The following FAF1 variants were observed in gnomAD, a reference collection of about 807,000 sequenced individuals.
FAF1 encodes the protein FAS-associated factor 1.
A neutral mutation model predicts 92.5 loss-of-function variants in FAF1; 25 were observed. That is an observed-to-expected ratio of 0.27 (90% CI 0.20 to 0.38). The LOEUF is 0.38. FAF1 is among the 10% of genes least tolerant of loss of function. The pLI is 1.00. For synonymous variants in FAF1, 234 were observed against 273.2 expected (o/e 0.86, Z 1.42); for missense variants, 636 against 793.3 (o/e 0.80, Z 2.38).
intron 4 of FAF1, among the ~76,000 whole-genome samples, chr1:50,775,063 T>C (rs186845024): frequency 6.6e-6 from 1 of 152,128 alleles, no homozygotes; most frequent in Non-Finnish European, 1.5e-5. Context: ...TGATTGAGCA[T>C]CTCTTTGCAT....
intron 7 of FAF1, among the ~76,000 whole-genome samples, chr1:50,671,530 T>C (rs983624735): frequency 1.3e-5 from 2 of 152,226 alleles, no homozygotes; most frequent in Non-Finnish European, 2.9e-5. Flanking sequence ...AATTAGATGT[T>C]ACTGTAATAG....
rs193006455 is a variant in FAF1, at chr1:50,568,632, C to T, written c.1114-1401G>A. ...AAATCTTTAAAATAGCATCCTTAAC[C>T]CCATTAGCATATGAGGAAACTGAGG... is the stretch of plus-strand genomic sequence containing the variant. On this transcript the variant is annotated intron_variant, in intron 12 of 18. Transcript: ENST00000396153. Among the ~76,000 whole-genome samples the T allele has an allele frequency of 1.4e-4, 22 of 152,204 alleles. 1 individual carries two copies. The highest frequency in any genetic ancestry group is 4.6e-4 in the African/African-American group (19 of 41,546).
At chr1:50,841,481 T>C (rs1557553692) in intron 2 of FAF1, among the ~76,000 whole-genome samples, 1 of 152,014 alleles carries the variant, frequency 6.6e-6, no homozygotes, top group Non-Finnish European at 1.5e-5. Context: ...TTTTCAATAA[T>C]ATCCATGTAT....
At chr1:50,566,600 G>C (rs1290942178) in intron 13 of FAF1, among the ~76,000 whole-genome samples, 1 of 152,038 alleles carries the variant, frequency 6.6e-6, no homozygotes, top group Non-Finnish European at 1.5e-5. Flanking sequence ...GTGTGCAAAA[G>C]AATGTGTGCA....
intron 4 of FAF1, among the ~76,000 whole-genome samples, chr1:50,773,192 T>G (rs1194302466): frequency 6.6e-6 from 1 of 152,240 alleles, no homozygotes; most frequent in Non-Finnish European, 1.5e-5. Flanking sequence ...GAAAATTGTT[T>G]GAGCCTAGGA....
chr1:50,938,353 T>C (rs746824986), intron 1 of FAF1, among the ~76,000 whole-genome samples: 8 of 152,212 alleles, frequency 5.3e-5, no homozygotes, highest in Admixed American at 2.6e-4. Context: ...TATATGAAAC[T>C]GAGTCCTAGG....
chr1:50,682,027 G>A (rs1006235028), intron 7 of FAF1, among the ~76,000 whole-genome samples: 16 of 151,354 alleles, frequency 1.1e-4, no homozygotes, highest in African/African-American at 3.9e-4. Context: ...TAGAGTCAGG[G>A]TCTCACTATG....
chr1:50,926,317 A>G (rs1019792237), intron 1 of FAF1, among the ~76,000 whole-genome samples: 1 of 152,204 alleles, frequency 6.6e-6, no homozygotes, highest in African/African-American at 2.4e-5. Context: ...ATGTTAAACT[A>G]AATAAGGCAC....
At chr1:50,788,873 C>T (rs1294027256) in intron 3 of FAF1, among the ~76,000 whole-genome samples, 1 of 152,088 alleles carries the variant, frequency 6.6e-6, no homozygotes, top group Non-Finnish European at 1.5e-5. Context: ...TCTCTGTTAT[C>T]CAGGCTGGAC....
chr1:50,687,158 A>C (rs1656700036), intron 7 of FAF1, among the ~76,000 whole-genome samples: 1 of 152,062 alleles, frequency 6.6e-6, no homozygotes, highest in African/African-American at 2.4e-5. Context: ...ATTTTACCCA[A>C]GTGGCATAAT....
At chr1:50,656,848 G>A (rs915629308) in intron 7 of FAF1, among the ~76,000 whole-genome samples, 11 of 151,678 alleles carry the variant, frequency 7.3e-5, no homozygotes, top group Admixed American at 1.3e-4. Flanking sequence ...GTGCCACTGC[G>A]CTCCAGCCTG....
chr1:50,589,889 C>T (rs948727361), intron 9 of FAF1, among the ~76,000 whole-genome samples: 1 of 152,136 alleles, frequency 6.6e-6, no homozygotes, highest in Admixed American at 6.5e-5. Flanking sequence ...TTCATTCTTT[C>T]GCATGTGGAT....
At chr1:50,740,349 T>C (rs1419513773) in intron 5 of FAF1, among the ~76,000 whole-genome samples, 1 of 151,990 alleles carries the variant, frequency 6.6e-6, no homozygotes, top group Non-Finnish European at 1.5e-5. Flanking sequence ...TGAGAATATA[T>C]AGAGAAAGAA....
rs1389340060 is a variant in FAF1 at position 50,439,386 on chromosome 1, T to G, written c.*2054A>C. 6.6e-6 allele frequency: 1 copy of G among 152,178 alleles called. No homozygotes were observed. Among genetic ancestry groups the G allele is most frequent in the Non-Finnish European group, 1.5e-5 (1 of 68,036 alleles). The allele number at this position is 152,178 out of a possible 1,614,324, so 9.4% of individuals were successfully genotyped here. A position where few individuals can be genotyped will look rare whatever the true frequency, so the allele number is the denominator to read the frequency against. ...GAGCATAGGAAATCATGGGGCTGAG[T>G]AGGCCAAAAGAACTTTCTAAGGCAG... On this transcript the variant is annotated 3_prime_UTR_variant, in exon 19 of 19. Coordinates refer to ENST00000396153, the MANE Select transcript of FAF1 (RefSeq NM_007051.3).
Position 50,736,952 on chromosome 1 carries a change from A to G in FAF1, c.551+1911T>C, listed in dbSNP as rs2124482462. Among the ~76,000 whole-genome samples the G allele has an allele frequency of 2.6e-5, 4 of 152,306 alleles. 1 individual carries two copies. Among genetic ancestry groups the G allele is most frequent in the Middle Eastern group, 6.8e-3 (2 of 294 alleles). On this transcript the variant is annotated intron_variant, in intron 6 of 18. Transcript: ENST00000396153. ...TTTAAAAATCTCTAGTTTTATAGAAAGATACATTGAATAAACATACTAAAA... is the reference window on the plus strand; with the variant it reads ...TTTAAAAATCTCTAGTTTTATAGAAGGATACATTGAATAAACATACTAAAA...
At chr1:50,598,459 C>CT (rs1156726317) in intron 8 of FAF1, among the ~76,000 whole-genome samples, 3 of 85,970 alleles carry the variant, frequency 3.5e-5, no homozygotes, top group Non-Finnish European at 6.7e-5. Flanking sequence ...AAGAACCTGT[C>CT]TTTAAAAAAA....
At chr1:50,796,210 C>T (rs1661744405) in intron 3 of FAF1, among the ~76,000 whole-genome samples, 1 of 151,036 alleles carries the variant, frequency 6.6e-6, no homozygotes, top group Non-Finnish European at 1.5e-5. Flanking sequence ...AGCAAACACA[C>T]AAACACACAC....
chr1:50,499,039 A>G (rs1646945089), intron 15 of FAF1, among the ~76,000 whole-genome samples: 1 of 152,194 alleles, frequency 6.6e-6, no homozygotes, highest in African/African-American at 2.4e-5. Context: ...AATATTATTT[A>G]GCTATAAAAA....
intron 4 of FAF1, among the ~76,000 whole-genome samples, chr1:50,762,355 G>A (rs1660361959): frequency 6.6e-6 from 1 of 151,946 alleles, no homozygotes; most frequent in South Asian, 2.1e-4. Flanking sequence ...AGTTCATATG[G>A]AACCAAAAAA....
Sources: allele counts gnomAD v4.1 joint callset (sites outside exome capture counted in the v4.1 genomes callset), GRCh38; gene constraint gnomAD v4.1.1; transcripts MANE v1.5; gene names NCBI Gene and HGNC (gene_info 2026-07-23, HGNC 2026-07-21).